EPHA3: variants seen among roughly 807,000 people sequenced by gnomAD.
The protein encoded by EPHA3 is EPH receptor A3.
In EPHA3, 42 loss-of-function variants were observed where a neutral mutation model predicts 107.1. That is an observed-to-expected ratio of 0.39 (90% CI 0.31 to 0.51). EPHA3 has a LOEUF of 0.51. Among genes scored for constraint, EPHA3 ranks in the 20% least tolerant of loss-of-function variants. The pLI, the probability that EPHA3 is intolerant of heterozygous loss-of-function variation, is 0.78. For missense variants in EPHA3, 1,183 were observed against 1,211.2 expected (o/e 0.98, Z 0.35); for synonymous variants, 461 against 424.8 (o/e 1.09, Z -1.05).
At chr3:89,174,800 T>C (rs965888851) in intron 2 of EPHA3, among the ~76,000 whole-genome samples, 3 of 151,964 alleles carry the variant, frequency 2.0e-5, no homozygotes, top group African/African-American at 4.8e-5. Flanking sequence ...TTGGAAAGAA[T>C]TTATACTAAT....
rs67054298 is a variant in EPHA3 at position 89,136,330 on chromosome 3, CTT to C, written c.153+9080_153+9081del. Among the ~76,000 whole-genome samples the C allele has an allele frequency of 2.3e-3, 54 of 23,372 alleles. 1 individual carries two copies. Among genetic ancestry groups the C allele is most frequent in the South Asian group, 0.019 (11 of 566 alleles). The allele number at this position is 23,372 out of a possible 152,430, so 15.3% of individuals were successfully genotyped here. Reference sequence around the variant, plus strand: ...GAAAAACATGGCAAAATCTTACAGGCTTTTTTTTTTTTTTTTTTTTTTTTGAC... The same window carrying C: ...GAAAAACATGGCAAAATCTTACAGGCTTTTTTTTTTTTTTTTTTTTTTGAC... On this transcript the variant is annotated intron_variant, in intron 2 of 16. Transcript: ENST00000336596.
intron 2 of EPHA3, among the ~76,000 whole-genome samples, chr3:89,203,342 A>G (rs573902078): frequency 1.4e-3 from 217 of 150,200 alleles, no homozygotes; most frequent in African/African-American, 5.1e-3. Flanking sequence ...AAACAAAACA[A>G]AACAAAACAA....
At chr3:89,228,783 T>C (rs1005938647) in intron 3 of EPHA3, among the ~76,000 whole-genome samples, 6 of 151,908 alleles carry the variant, frequency 3.9e-5, no homozygotes, top group South Asian at 2.1e-4. Context: ...TTGATATTGA[T>C]AACCAGGAAC....
intron 5 of EPHA3, among the ~76,000 whole-genome samples, chr3:89,376,318 C>T (rs1708402081): frequency 6.6e-6 from 1 of 151,262 alleles, no homozygotes; most frequent in Admixed American, 6.6e-5. Context: ...AGTAATTGAG[C>T]TTTATGTAGG....
rs192469746 is a variant in EPHA3 at position 89,445,393 on chromosome 3, T to G, written c.2347-3832T>G. Among the ~76,000 whole-genome samples the G allele has an allele frequency of 4.6e-5, 7 of 152,260 alleles. No homozygotes were observed. The East Asian group carries it at 1.4e-3, about 29-fold the overall frequency. ...TATATAAAAATATAAATTAAGAGTT[T>G]TTCATTAAAAATAAAAATAAATATG... On this transcript the variant is annotated intron_variant, in intron 13 of 16. Coordinates refer to ENST00000336596, the MANE Select transcript of EPHA3 (RefSeq NM_005233.6).
intron 5 of EPHA3, among the ~76,000 whole-genome samples, chr3:89,384,874 G>A (rs1708585634): frequency 1.3e-5 from 2 of 152,108 alleles, no homozygotes; most frequent in Non-Finnish European, 2.9e-5. Context: ...TCCCAGGATA[G>A]GGATCACTAG....
Position 89,477,017 on chromosome 3 carries a change from A to C in EPHA3, c.2847-2380A>C, listed in dbSNP as rs186203880. On this transcript the variant is annotated intron_variant, in intron 16 of 16. Transcript: ENST00000336596. ...AAAGAGTGAGAATCTATTGATTTGC[A>C]TACCCATACTTGTATCTGTCCTGTT... Among the ~76,000 whole-genome samples the C allele has an allele frequency of 9.8e-5, 15 of 152,318 alleles. No individual in the cohort carries two copies. The East Asian group carries it at 1.9e-3, about 20-fold the overall frequency.
At chr3:89,389,955 GTTC>G (rs1318760169) in intron 5 of EPHA3, among the ~76,000 whole-genome samples, 3 of 152,046 alleles carry the variant, frequency 2.0e-5, no homozygotes, top group Non-Finnish European at 4.4e-5. Context: ...TTTAGAAAAA[GTTC>G]TTCTCTACTT....
At chr3:89,371,931 A>T (rs1361909621) in intron 5 of EPHA3, among the ~76,000 whole-genome samples, 1 of 151,494 alleles carries the variant, frequency 6.6e-6, no homozygotes, top group African/African-American at 2.4e-5. Flanking sequence ...TTACTCTCAA[A>T]CCAGTTGTTT....
chr3:89,317,686 A>T (rs1706941318), intron 3 of EPHA3, among the ~76,000 whole-genome samples: 1 of 151,838 alleles, frequency 6.6e-6, no homozygotes, highest in Non-Finnish European at 1.5e-5. Context: ...TACACATTTT[A>T]AAAAGTAATG....
chr3:89,207,639 A>G (rs1247558840), intron 2 of EPHA3, among the ~76,000 whole-genome samples: 1 of 152,182 alleles, frequency 6.6e-6, no homozygotes, highest in African/African-American at 2.4e-5. Context: ...AAAAGTGTTT[A>G]ATGTCTATTG....
chr3:89,225,459 T>A (rs1704481961), intron 3 of EPHA3, among the ~76,000 whole-genome samples: 1 of 152,222 alleles, frequency 6.6e-6, no homozygotes, highest in South Asian at 2.1e-4. Context: ...TATTGCTACA[T>A]TTCTCTTAGC....
At chr3:89,281,322 G>C (rs1308046679) in intron 3 of EPHA3, among the ~76,000 whole-genome samples, 1 of 152,162 alleles carries the variant, frequency 6.6e-6, no homozygotes, top group Non-Finnish European at 1.5e-5. Context: ...ACCACACCGG[G>C]CCTCTCACAA....
chr3:89,270,875 G>A (rs989698192), intron 3 of EPHA3, among the ~76,000 whole-genome samples: 1 of 151,910 alleles, frequency 6.6e-6, no homozygotes, highest in African/African-American at 2.4e-5. Context: ...AAAATCATAA[G>A]GAAGAAAAAA....
intron 3 of EPHA3, among the ~76,000 whole-genome samples, chr3:89,336,246 C>A (rs1234793631): frequency 6.6e-6 from 1 of 151,574 alleles, no homozygotes; most frequent in African/African-American, 2.4e-5. Flanking sequence ...GATTGTTACT[C>A]ACTAGTTTTA....
At chr3:89,208,292 C>T (rs1706157956) in intron 2 of EPHA3, among the ~76,000 whole-genome samples, 1 of 149,288 alleles carries the variant, frequency 6.7e-6, no homozygotes, top group Non-Finnish European at 1.5e-5. Flanking sequence ...ATTGCTTTAA[C>T]CCAGGAGGTG....
Position 89,192,152 on chromosome 3 carries a change from C to T in EPHA3, c.154-17708C>T, listed in dbSNP as rs1705731961. Reference sequence around the variant, plus strand: ...CAATAACTTAGAAAAGTGTCTGGCCCATGAAAAACATGTAGTGCGTGATTA... The same window carrying T: ...CAATAACTTAGAAAAGTGTCTGGCCTATGAAAAACATGTAGTGCGTGATTA... On this transcript the variant is annotated intron_variant, in intron 2 of 16. Coordinates refer to ENST00000336596, the MANE Select transcript of EPHA3 (RefSeq NM_005233.6). Among the ~76,000 whole-genome samples, 3 of 151,994 alleles carry T rather than the reference C, an allele frequency of 2.0e-5. No individual in the cohort carries two copies. The South Asian group carries it at 6.2e-4, about 32-fold the overall frequency.
chr3:89,286,966 T>G (rs1358559119), intron 3 of EPHA3, among the ~76,000 whole-genome samples: 1 of 152,166 alleles, frequency 6.6e-6, no homozygotes, highest in East Asian at 1.9e-4. Flanking sequence ...TAGACTCACT[T>G]TATATCATCT....
At chr3:89,317,023 G>A (rs536985559) in intron 3 of EPHA3, among the ~76,000 whole-genome samples, 155 of 151,634 alleles carry the variant, frequency 1.0e-3, no homozygotes, top group African/African-American at 3.6e-3. Flanking sequence ...CCAACTTACC[G>A]TACCATATCC....
Sources: allele counts gnomAD v4.1 joint callset (sites outside exome capture counted in the v4.1 genomes callset), GRCh38; gene constraint gnomAD v4.1.1; transcripts MANE v1.5; gene names NCBI Gene and HGNC (gene_info 2026-07-23, HGNC 2026-07-21).